The following ASCC3 variants were observed in gnomAD, a reference collection of about 807,000 sequenced individuals.
ASCC3 encodes the protein ASC-1 complex subunit P200.
ASCC3 carries 158 observed loss-of-function variants against 256.3 expected under a neutral mutation model. That is an observed-to-expected ratio of 0.62 (90% confidence interval 0.54 to 0.70). ASCC3 has a LOEUF of 0.70. ASCC3 is among the 30% of genes least tolerant of loss of function. ASCC3 has a pLI of 0.00. For synonymous variants in ASCC3, 948 were observed against 883.4 expected, an observed-to-expected ratio of 1.07 and a Z score of -1.30; for missense variants, 2,259 against 2,626.0, an observed-to-expected ratio of 0.86 and a Z score of 3.05.
chr6:100,682,046 A>G (rs1777335000), intron 13 of ASCC3, among the ~76,000 whole-genome samples: 2 of 152,272 alleles, frequency 1.3e-5, no homozygotes, highest in Middle Eastern at 3.4e-3. Flanking sequence ...GTCCAGTTCT[A>G]TCATTCTATC....
chr6:100,613,080 T>C (rs908389954), intron 30 of ASCC3, among the ~76,000 whole-genome samples: 2 of 151,640 alleles, frequency 1.3e-5, no homozygotes, highest in Admixed American at 6.6e-5. Context: ...CTTTTTTTTT[T>C]CAGGAAAGCA....
intron 4 of ASCC3, among the ~76,000 whole-genome samples, chr6:100,823,629 C>T (rs1042220196): frequency 3.9e-5 from 6 of 152,002 alleles, no homozygotes; most frequent in African/African-American, 1.5e-4. Context: ...AATATAAAGC[C>T]TTATTCTTAA....
chr6:100,860,377 G>C (rs1267398359), intron 3 of ASCC3, among the ~76,000 whole-genome samples: 1 of 150,454 alleles, frequency 6.6e-6, no homozygotes, highest in Middle Eastern at 3.2e-3. Flanking sequence ...TAATCTTAAG[G>C]GAAGAATCAA....
Position 100,512,629 on chromosome 6 carries a change from T to C in ASCC3, c.6285+80A>G, listed in dbSNP as rs146263567. 2.2e-6 allele frequency: 3 copies of C among 1,347,214 alleles called. No homozygotes were observed. The South Asian group carries it at 3.5e-5, about 16-fold the overall frequency. The allele number at this position is 1,347,214 out of a possible 1,614,324, so 83.5% of individuals were successfully genotyped here. On this transcript the variant is annotated intron_variant, in intron 40 of 41. Coordinates refer to ENST00000369162, the MANE Select transcript of ASCC3 (RefSeq NM_006828.4). ...GGATTCATGAATGACACGGGCACAT[T>C]AGTCACATAACAGATATGTGTGGTG...
At chr6:100,735,245 C>T (rs982502387) in intron 10 of ASCC3, among the ~76,000 whole-genome samples, 4 of 152,124 alleles carry the variant, frequency 2.6e-5, no homozygotes, top group Admixed American at 2.6e-4. Flanking sequence ...TTCTTTTCAA[C>T]TCTTTCTCAC....
rs530691344 is a variant in ASCC3 at position 100,667,417 on chromosome 6, T to C, written c.2287-4881A>G. 2.6e-5 allele frequency among the ~76,000 whole-genome samples: 4 copies of C among 152,254 alleles called. No individual in the cohort carries two copies. The East Asian group carries it at 7.7e-4, about 29-fold the overall frequency. ...AGAAAAAAGGATTGGGGTCAGGCTT[T>C]ACATTGTCTTGAACATAGGTGGAAA... is the stretch of plus-strand genomic sequence containing the variant. On this transcript the variant is annotated intron_variant, in intron 14 of 41. Transcript: ENST00000369162.
chr6:100,737,226 AAAG>A (rs1780216453), intron 10 of ASCC3, among the ~76,000 whole-genome samples: 3 of 24,732 alleles, frequency 1.2e-4, no homozygotes, highest in Admixed American at 1.7e-3. Context: ...ATCAGGACTC[AAAG>A]TTTTTTTTTT....
chr6:100,580,704 G>T (rs930146559), intron 36 of ASCC3, among the ~76,000 whole-genome samples: 2 of 151,560 alleles, frequency 1.3e-5, no homozygotes, highest in Non-Finnish European at 2.9e-5. Flanking sequence ...CTAGCATTAG[G>T]TATATCTCCC....
intron 13 of ASCC3, among the ~76,000 whole-genome samples, chr6:100,694,915 T>C (rs1778014365): frequency 6.6e-6 from 1 of 152,152 alleles, no homozygotes; most frequent in African/African-American, 2.4e-5. Context: ...ATATATTTAG[T>C]CACACAAGTA....
chr6:100,835,478 C>A (rs1771830741), intron 4 of ASCC3, among the ~76,000 whole-genome samples: 1 of 152,140 alleles, frequency 6.6e-6, no homozygotes, highest in Non-Finnish European at 1.5e-5. Flanking sequence ...TAGTTTCAAT[C>A]TTCTGCACAT....
intron 36 of ASCC3, among the ~76,000 whole-genome samples, chr6:100,589,412 T>C (rs1380925449): frequency 6.6e-6 from 1 of 152,110 alleles, no homozygotes; most frequent in African/African-American, 2.4e-5. Context: ...TAAATATTAA[T>C]AGGACCTCAT....
At position 100,548,169 on chromosome 6, in the gene ASCC3, G is replaced by A. The variant is rs530517027; in HGVS notation, c.5551-7782C>T. Among the ~76,000 whole-genome samples, 116 of 151,954 alleles carry A rather than the reference G, an allele frequency of 7.6e-4. 1 individual carries two copies. The highest frequency in any genetic ancestry group is 2.6e-3 in the African/African-American group (107 of 41,522). On this transcript the variant is annotated intron_variant, in intron 36 of 41. Transcript: ENST00000369162. ...GGGGAGTGGTCATGGTGGGAGGTGT[G>A]TTCATAGAGAAAAATAAGACAACTT... is the stretch of plus-strand genomic sequence containing the variant.
chr6:100,570,680 T>C (rs1370508173), intron 36 of ASCC3, among the ~76,000 whole-genome samples: 1 of 152,112 alleles, frequency 6.6e-6, no homozygotes, highest in Non-Finnish European at 1.5e-5. Context: ...ACCAATTCAA[T>C]GACTTTGAAA....
chr6:100,614,582 T>A (rs1773566050), intron 30 of ASCC3, among the ~76,000 whole-genome samples: 1 of 152,196 alleles, frequency 6.6e-6, no homozygotes, highest in Non-Finnish European at 1.5e-5. Flanking sequence ...ACATAGCTTG[T>A]AACAGGCAGT....
chr6:100,700,653 C>A (rs1277206281), intron 13 of ASCC3, among the ~76,000 whole-genome samples: 2 of 152,238 alleles, frequency 1.3e-5, no homozygotes, highest in African/African-American at 4.8e-5. Flanking sequence ...CTCTTGCATT[C>A]AGCATGAACT....
At chr6:100,509,558 A>G in intron 41 of ASCC3, 25 bp from the exon 42 acceptor site, 1 of 1,585,962 alleles carries the variant, frequency 6.3e-7, no homozygotes, top group Non-Finnish European at 8.6e-7. Flanking sequence ...TAGAAGAAAA[A>G]TGTAAAACCA....
At chr6:100,739,862 G>A (rs1486283495) in intron 10 of ASCC3, among the ~76,000 whole-genome samples, 4 of 151,732 alleles carry the variant, frequency 2.6e-5, no homozygotes, top group Non-Finnish European at 5.9e-5. Flanking sequence ...TAACAATTTT[G>A]TTAATTTTTT....
intron 5 of ASCC3, among the ~76,000 whole-genome samples, chr6:100,803,323 T>C (rs1272521794): frequency 6.6e-6 from 1 of 152,092 alleles, no homozygotes; most frequent in East Asian, 1.9e-4. Flanking sequence ...ACAGGGGCTG[T>C]TTCCCCCATA....
chr6:100,852,116 A>T (rs1214658639), intron 3 of ASCC3, among the ~76,000 whole-genome samples: 2 of 152,244 alleles, frequency 1.3e-5, no homozygotes, highest in African/African-American at 2.4e-5. Flanking sequence ...AGGATGCACC[A>T]CAGCTTGCTG....
Sources: gnomAD v4.1 joint callset for allele counts (sites outside exome capture counted in the v4.1 genomes callset) on GRCh38, gnomAD v4.1.1 for gene constraint, MANE v1.5 for transcripts, NCBI Gene and HGNC (gene_info 2026-07-23, HGNC 2026-07-21) for gene names.